Variants in SGCD observed in about 807,000 individuals in gnomAD.
SGCD encodes sarcoglycan delta, also known as delta-sarcoglycan.
SGCD carries 18 observed loss-of-function variants against 36.6 expected under a neutral mutation model. That is an observed-to-expected ratio of 0.49 (90% CI 0.34 to 0.73). SGCD has a LOEUF of 0.73. Among genes scored for constraint, SGCD ranks in the 30% least tolerant of loss-of-function variants. The pLI, the probability that SGCD is intolerant of heterozygous loss-of-function variation, is 0.01. For synonymous variants in SGCD, 133 were observed against 130.6 expected (o/e 1.02, Z -0.12); for missense variants, 387 against 346.7 (o/e 1.12, Z -0.92).
In SGCD at chr5:155,918,794, A is replaced by G. The variant is rs545053487; in HGVS notation, c.-282+48370A>G. Among the ~76,000 whole-genome samples, 6 of 152,328 alleles carry G rather than the reference A, an allele frequency of 3.9e-5. No individual in the cohort carries two copies. In the South Asian group the frequency reaches 6.2e-4, roughly 16 times the overall value. On this transcript the variant is annotated intron_variant, in intron 1 of 9. Transcript: ENST00000517913. ...AGTTTTTCTCTCAGACTTGGCTTCT[A>G]TGCAATCTCTAGCCGTCAATAGTTG...
rs1344958375 is a variant in SGCD at position 156,174,376 on chromosome 5, TA to T, written c.-44+50362del. Reference sequence around the variant, plus strand: ...AGTGGAGGAACCAGCCAAGTGTGTATAAAAAGAAACAAACAGTAGGTCATGT... The same window carrying T: ...AGTGGAGGAACCAGCCAAGTGTGTATAAAAGAAACAAACAGTAGGTCATGT... On this transcript the variant is annotated intron_variant, in intron 3 of 9. Transcript: ENST00000517913. 2.0e-5 allele frequency among the ~76,000 whole-genome samples: 3 copies of T among 151,976 alleles called. No individual in the cohort carries two copies. The East Asian group carries it at 5.8e-4, about 29-fold the overall frequency.
At chr5:156,608,557 G>T (rs1761603172) in intron 6 of SGCD, among the ~76,000 whole-genome samples, 1 of 152,160 alleles carries the variant, frequency 6.6e-6, no homozygotes, top group African/African-American at 2.4e-5. Context: ...ATGTCTATCA[G>T]GTCTGCTTGG....
the SGCD span, among the ~76,000 whole-genome samples, chr5:155,763,816 T>C: frequency 6.7e-6 from 1 of 149,244 alleles, no homozygotes; most frequent in South Asian, 2.2e-4. Flanking sequence ...CAAAACCCTA[T>C]AAAAACTGTA....
chr5:155,996,954 T>TA (rs1436138836), intron 1 of SGCD, among the ~76,000 whole-genome samples: 1 of 152,078 alleles, frequency 6.6e-6, no homozygotes. Flanking sequence ...GATAGATAGA[T>TA]ACCTATGTCT....
At chr5:156,074,310 G>A (rs1370391501) in intron 1 of SGCD, among the ~76,000 whole-genome samples, 5 of 152,066 alleles carry the variant, frequency 3.3e-5, no homozygotes, top group Non-Finnish European at 7.4e-5. Context: ...ATTGAAGGGA[G>A]CTGATCATAA....
At chr5:156,586,840 G>C (rs1042459620) in intron 4 of SGCD, among the ~76,000 whole-genome samples, 10 of 152,218 alleles carry the variant, frequency 6.6e-5, no homozygotes, top group Non-Finnish European at 1.2e-4. Context: ...ATTTCTCTAA[G>C]GAGCTCTCCT....
chr5:155,794,547 A>G, the SGCD span, among the ~76,000 whole-genome samples: 1 of 152,028 alleles, frequency 6.6e-6, no homozygotes, highest in Non-Finnish European at 1.5e-5. Context: ...ATTATTCCAT[A>G]AATAAATTTA....
At position 156,205,835 on chromosome 5, in the gene SGCD, C is replaced by T. The variant is rs76304356; in HGVS notation, c.-44+81816C>T. On this transcript the variant is annotated intron_variant, in intron 3 of 9. Transcript: ENST00000517913. ...GTTATCTAGGAGTCAATGGGATTCT[C>T]GTCGTCCTAGCTCCATTACAGATGA... 4.2e-4 allele frequency among the ~76,000 whole-genome samples: 64 copies of T among 151,872 alleles called. 1 individual carries two copies. Among genetic ancestry groups the T allele is most frequent in the East Asian group, 2.7e-3 (14 of 5,170 alleles).
intron 3 of SGCD, among the ~76,000 whole-genome samples, chr5:156,448,774 C>CTTTTTTTTT (rs1554104262): frequency 1.3e-5 from 1 of 75,090 alleles, no homozygotes; most frequent in African/African-American, 5.6e-5. Flanking sequence ...CAGAGTCTTG[C>CTTTTTTTTT]TTTGTTGCCC....
At chr5:156,495,090 G>A (rs1299200331) in intron 3 of SGCD, among the ~76,000 whole-genome samples, 8 of 152,188 alleles carry the variant, frequency 5.3e-5, no homozygotes, top group Non-Finnish European at 1.0e-4. Context: ...AGTGATTTCC[G>A]CATGCGGTAT....
intron 6 of SGCD, among the ~76,000 whole-genome samples, chr5:156,638,809 C>G (rs1762925834): frequency 6.6e-6 from 1 of 152,034 alleles, no homozygotes; most frequent in South Asian, 2.1e-4. Flanking sequence ...CTCTTCATAT[C>G]TTGCCAGGAT....
chr5:156,514,335 G>A (rs951941709), intron 4 of SGCD, among the ~76,000 whole-genome samples: 2 of 152,276 alleles, frequency 1.3e-5, no homozygotes, highest in African/African-American at 4.8e-5. Context: ...ACCTATTATT[G>A]TTCCACACCT....
chr5:156,427,036 G>A (rs989850219), intron 3 of SGCD, among the ~76,000 whole-genome samples: 6 of 152,024 alleles, frequency 3.9e-5, no homozygotes, highest in Admixed American at 2.0e-4. Flanking sequence ...GCTCCTCTGT[G>A]TTTCCATATA....
At chr5:156,415,274 A>T (rs2127772797) in intron 3 of SGCD, among the ~76,000 whole-genome samples, 1 of 152,362 alleles carries the variant, frequency 6.6e-6, no homozygotes, top group East Asian at 1.9e-4. Context: ...ATTTTGCATT[A>T]TCAGAGCACT....
intron 3 of SGCD, among the ~76,000 whole-genome samples, chr5:156,273,141 G>T (rs1581210533): frequency 1.3e-5 from 2 of 152,138 alleles, no homozygotes; most frequent in Non-Finnish European, 2.9e-5. Flanking sequence ...TTGGGGGTGG[G>T]CATGAGGTAC....
At chr5:155,924,115 C>G (rs1756946387) in intron 1 of SGCD, among the ~76,000 whole-genome samples, 1 of 152,172 alleles carries the variant, frequency 6.6e-6, no homozygotes, top group African/African-American at 2.4e-5. Context: ...TACCTCTTTT[C>G]CTTGTCCTTC....
At chr5:155,764,522 G>A in the SGCD span, among the ~76,000 whole-genome samples, 14 of 152,160 alleles carry the variant, frequency 9.2e-5, no homozygotes. Context: ...AAGGTCAGCA[G>A]CTGTTCAGGA....
At chr5:156,619,356 G>C (rs1287486139) in intron 6 of SGCD, among the ~76,000 whole-genome samples, 1 of 152,328 alleles carries the variant, frequency 6.6e-6, no homozygotes, top group East Asian at 1.9e-4. Flanking sequence ...TAACAAGGGA[G>C]GGAGATGGTT....
chr5:155,846,366 A>G, the SGCD span, among the ~76,000 whole-genome samples: 1 of 152,232 alleles, frequency 6.6e-6, no homozygotes, highest in Non-Finnish European at 1.5e-5. Context: ...CTTTTCAGGA[A>G]TATAGATGTC....
Sources: gnomAD v4.1 joint callset for allele counts (sites outside exome capture counted in the v4.1 genomes callset) on GRCh38, gnomAD v4.1.1 for gene constraint, MANE v1.5 for transcripts, NCBI Gene and HGNC (gene_info 2026-07-23, HGNC 2026-07-21) for gene names.